The following SLC39A11 variants were observed in gnomAD, a reference collection of about 807,000 sequenced individuals.
SLC39A11 encodes zinc transporter ZIP11.
In SLC39A11, 33 loss-of-function variants were observed where a neutral mutation model predicts 36.1. The ratio of observed to expected loss-of-function variants is 0.91; its 90% CI spans 0.69 to 1.22. SLC39A11 has a LOEUF of 1.22. SLC39A11 is among the 50% of genes most tolerant of loss of function. The pLI, the probability that SLC39A11 is intolerant of heterozygous loss-of-function variation, is 0.00. For synonymous variants in SLC39A11, 166 were observed against 170.3 expected (o/e 0.97, Z 0.20); for missense variants, 432 against 430.3 (o/e 1.00, Z -0.03).
chr17:72,817,204 G>C (rs1044283745), intron 6 of SLC39A11, among the ~76,000 whole-genome samples: 1 of 152,044 alleles, frequency 6.6e-6, no homozygotes, highest in Non-Finnish European at 1.5e-5. Context: ...TGCTTCTGAT[G>C]AGGGCCTCGG....
intron 7 of SLC39A11, among the ~76,000 whole-genome samples, chr17:72,670,109 CATAT>C (rs1172954599): frequency 1.4e-5 from 2 of 145,326 alleles, no homozygotes; most frequent in South Asian, 2.2e-4. Flanking sequence ...TATACTTGTA[CATAT>C]ATAGTTTGTT....
chr17:72,821,386 G>C (rs1192659184), intron 6 of SLC39A11, among the ~76,000 whole-genome samples: 1 of 149,684 alleles, frequency 6.7e-6, no homozygotes, highest in East Asian at 1.9e-4. Context: ...CACACCTGTA[G>C]TCCCAGCTAC....
At chr17:73,000,614 T>C (rs1412904890) in intron 4 of SLC39A11, among the ~76,000 whole-genome samples, 1 of 152,206 alleles carries the variant, frequency 6.6e-6, no homozygotes, top group Non-Finnish European at 1.5e-5. Flanking sequence ...CTTGGTATCC[T>C]TAATAAGCTC....
At chr17:73,055,634 G>A (rs1398828675) in intron 3 of SLC39A11, among the ~76,000 whole-genome samples, 1 of 151,914 alleles carries the variant, frequency 6.6e-6, no homozygotes, top group East Asian at 1.9e-4. Context: ...GGCGGGTAGG[G>A]GGCGAGGGGC....
Position 73,003,398 on chromosome 17 carries a change from C to G in SLC39A11, c.306+28158G>C, listed in dbSNP as rs150695273. Reference sequence around the variant, plus strand: ...TCTGATTGGATGTTGGGGGCAGAGTCCTGGGTGGAGACTGATGGAGAACTA... The same window carrying G: ...TCTGATTGGATGTTGGGGGCAGAGTGCTGGGTGGAGACTGATGGAGAACTA... On this transcript the variant is annotated intron_variant, in intron 4 of 9. Coordinates refer to ENST00000255559, the MANE Select transcript of SLC39A11 (RefSeq NM_139177.4). Among the ~76,000 whole-genome samples, 237 of 152,140 alleles carry G rather than the reference C, an allele frequency of 1.6e-3. 1 individual carries two copies. Among genetic ancestry groups the G allele is most frequent in the African/African-American group, 5.5e-3 (228 of 41,498 alleles).
At chr17:72,687,324 C>T (rs1476927440) in intron 7 of SLC39A11, among the ~76,000 whole-genome samples, 1 of 152,074 alleles carries the variant, frequency 6.6e-6, no homozygotes, top group Non-Finnish European at 1.5e-5. Flanking sequence ...GGTGCGATCT[C>T]GGCTCACTGC....
intron 6 of SLC39A11, among the ~76,000 whole-genome samples, chr17:72,805,892 GCACCTGC>G (rs1283100780): frequency 6.6e-6 from 1 of 151,940 alleles, no homozygotes; most frequent in Admixed American, 6.6e-5. Flanking sequence ...GGGACTACAG[GCACCTGC>G]CACCATGCCC....
intron 7 of SLC39A11, among the ~76,000 whole-genome samples, chr17:72,683,930 C>G (rs950153078): frequency 1.3e-5 from 2 of 152,050 alleles, no homozygotes; most frequent in African/African-American, 4.8e-5. Context: ...GGGGAATCAC[C>G]CTGCCTGACC....
At chr17:72,688,820 A>C (rs1460497924) in intron 7 of SLC39A11, among the ~76,000 whole-genome samples, 1 of 152,114 alleles carries the variant, frequency 6.6e-6, no homozygotes, top group Non-Finnish European at 1.5e-5. Flanking sequence ...AGAGGTGAGA[A>C]AGGTCAGGTT....
At chr17:72,999,111 C>A (rs1250495510) in intron 4 of SLC39A11, among the ~76,000 whole-genome samples, 1 of 152,138 alleles carries the variant, frequency 6.6e-6, no homozygotes, top group Non-Finnish European at 1.5e-5. Context: ...CCCATCCTCA[C>A]CAAAAGGAGG....
chr17:73,003,834 T>C (rs887102454), intron 4 of SLC39A11, among the ~76,000 whole-genome samples: 2 of 151,994 alleles, frequency 1.3e-5, no homozygotes, highest in African/African-American at 2.4e-5. Context: ...GCCTATAATC[T>C]CAGCACTTTG....
At chr17:72,672,047 A>ACACACACAC (rs139791658) in intron 7 of SLC39A11, among the ~76,000 whole-genome samples, 9,719 of 151,414 alleles carry the variant, frequency 0.064, 332 homozygotes, top group African/African-American at 0.1. Flanking sequence ...ACACACACAA[A>ACACACACAC]CACACACACA....
chr17:72,997,753 C>G (rs558576287), intron 4 of SLC39A11, among the ~76,000 whole-genome samples: 1 of 152,196 alleles, frequency 6.6e-6, no homozygotes, highest in Non-Finnish European at 1.5e-5. Flanking sequence ...CCAGAGTACC[C>G]GCATTGTCTA....
chr17:72,954,925 T>C (rs2086136383), intron 4 of SLC39A11, among the ~76,000 whole-genome samples: 1 of 152,180 alleles, frequency 6.6e-6, no homozygotes, highest in South Asian at 2.1e-4. Flanking sequence ...TTTGCCCTGG[T>C]TAACCTATAC....
chr17:72,813,696 G>A (rs1402560967), intron 6 of SLC39A11, among the ~76,000 whole-genome samples: 1 of 152,232 alleles, frequency 6.6e-6, no homozygotes. Flanking sequence ...ACTGCCAGGG[G>A]CACTTCTGCC....
At chr17:73,087,336 A>G (rs1464765521) in intron 2 of SLC39A11, among the ~76,000 whole-genome samples, 3 of 152,182 alleles carry the variant, frequency 2.0e-5, no homozygotes, top group Non-Finnish European at 2.9e-5. Flanking sequence ...GGCCTGCTGT[A>G]CTGGTCTCTA....
chr17:72,665,102 G>A (rs1598276273), intron 7 of SLC39A11, among the ~76,000 whole-genome samples: 1 of 152,140 alleles, frequency 6.6e-6, no homozygotes, highest in South Asian at 2.1e-4. Flanking sequence ...TAGCTCTGGG[G>A]GAAGCCAGTT....
At chr17:72,754,860 C>T (rs1472207091) in intron 6 of SLC39A11, among the ~76,000 whole-genome samples, 2 of 152,204 alleles carry the variant, frequency 1.3e-5, no homozygotes, top group African/African-American at 4.8e-5. Flanking sequence ...TGCAAGCATG[C>T]CCGTGTGAGT....
At chr17:72,925,193 C>T (rs914471099) in intron 5 of SLC39A11, among the ~76,000 whole-genome samples, 9 of 152,098 alleles carry the variant, frequency 5.9e-5, no homozygotes, top group East Asian at 1.9e-4. Flanking sequence ...TGTTCTTCCA[C>T]GACGGACATG....
Sources: gnomAD v4.1 joint callset for allele counts (sites outside exome capture counted in the v4.1 genomes callset) on GRCh38, gnomAD v4.1.1 for gene constraint, MANE v1.5 for transcripts, NCBI Gene and HGNC (gene_info 2026-07-23, HGNC 2026-07-21) for gene names.